Variants in PCDHGA7 observed in about 807,000 individuals in gnomAD.
The protein encoded by PCDHGA7 is protocadherin gamma subfamily A, 7, also known as protocadherin gamma-A7.
PCDHGA7 carries 44 observed loss-of-function variants against 58.3 expected under a neutral mutation model. That is an observed-to-expected ratio of 0.75 (90% CI 0.59 to 0.97). The LOEUF (loss-of-function observed/expected upper bound fraction) is 0.97, where lower values mean the gene tolerates loss of function less well. PCDHGA7 is among the 50% of genes least tolerant of loss of function. PCDHGA7 has a pLI of 0.00. For synonymous variants in PCDHGA7, 516 were observed against 504.2 expected (o/e 1.02, Z -0.31); for missense variants, 1,266 against 1,188.7 (o/e 1.06, Z -0.96).
Position 141,421,726 on chromosome 5 carries a change from T to G in PCDHGA7, c.2424+36403T>G. On this transcript the variant is annotated intron_variant, in intron 1 of 3. Transcript: ENST00000518325. The stretch of plus-strand genomic sequence containing the variant: ...TAGGGATCCAGATGTGGGCGTGAAC[T>G]CCCTCCAGAGCTACCAGCTCAGCCC... 1 of 1,613,928 alleles carries G rather than the reference T, an allele frequency of 6.2e-7. No homozygotes were observed. Among genetic ancestry groups the G allele is most frequent in the Non-Finnish European group, 8.5e-7 (1 of 1,179,852 alleles).
intron 1 of PCDHGA7, chr5:141,388,782 A>G (rs1589071559): frequency 6.2e-7 from 1 of 1,613,902 alleles, no homozygotes; most frequent in African/African-American, 1.3e-5. Flanking sequence ...CGGGGAAATT[A>G]CTGTTTTAAA....
chr5:141,509,719 C>G (rs2099877973), intron 3 of PCDHGA7, among the ~76,000 whole-genome samples: 1 of 152,152 alleles, frequency 6.6e-6, no homozygotes, highest in Non-Finnish European at 1.5e-5. Flanking sequence ...TGTCTGATGT[C>G]ACCTAGCTGT....
In PCDHGA7 at chr5:141,431,777, G is replaced by T. The variant is rs151011884; in HGVS notation, c.2424+46454G>T. 5,401 of 1,614,186 alleles carry T rather than the reference G, an allele frequency of 3.3e-3. 6 individuals are homozygous for T. Among genetic ancestry groups the T allele is most frequent in the Non-Finnish European group, 4.2e-3 (4,899 of 1,180,002 alleles). On this transcript the variant is annotated intron_variant, in intron 1 of 3. Coordinates refer to ENST00000518325, the MANE Select transcript of PCDHGA7 (RefSeq NM_018920.4). The surrounding 1 kb of genome is among the most constrained non-coding windows in gnomAD (Gnocchi z 4.8). ...CAAAGTCCTGATCACTGTTCTGGAC[G>T]TGAACGACAATGCCCCAGAAGTGGT...
At chr5:141,481,913 C>CAAA (rs34114744) in intron 1 of PCDHGA7, among the ~76,000 whole-genome samples, 3 of 90,796 alleles carry the variant, frequency 3.3e-5, no homozygotes, top group Non-Finnish European at 4.4e-5. Flanking sequence ...AACTCCATCT[C>CAAA]AAAAAAAAAA....
At chr5:141,403,266 A>G in intron 1 of PCDHGA7, 11 of 1,613,858 alleles carry the variant, frequency 6.8e-6, no homozygotes, top group Non-Finnish European at 9.3e-6. Context: ...TGTCTGGTGA[A>G]CTTTAAAGTC....
At chr5:141,408,819 G>A in intron 1 of PCDHGA7, 1 of 1,613,520 alleles carries the variant, frequency 6.2e-7, no homozygotes, top group Non-Finnish European at 8.5e-7. Context: ...GAAGAACAGA[G>A]ATCTCATAGC....
chr5:141,481,085 A>T (rs1200522212), intron 1 of PCDHGA7, among the ~76,000 whole-genome samples: 1 of 152,192 alleles, frequency 6.6e-6, no homozygotes, highest in African/African-American at 2.4e-5. Flanking sequence ...AAGAAAAAAG[A>T]AAAGCAGTAC....
chr5:141,421,418 G>C, intron 1 of PCDHGA7: 1 of 1,614,086 alleles, frequency 6.2e-7, no homozygotes, highest in Middle Eastern at 1.7e-4. Context: ...GCGAAGCGCG[G>C]AGTCCGCATC....
Position 141,383,737 on chromosome 5 carries a change from T to TC in PCDHGA7, c.839dup (p.Arg282SerfsTer6). On this transcript the variant is annotated frameshift_variant, in exon 1 of 4. Transcript: ENST00000518325. LOFTEE classifies it high-confidence loss of function. ...GGGAGTCAATGGGGAAGTGACATAT[T>TC]CTTTTCGGAAAATAACTCCTAAACT... is the stretch of plus-strand genomic sequence containing the variant. The TC allele has an allele frequency of 6.2e-7, 1 of 1,613,998 alleles. No individual in the cohort carries two copies. Among genetic ancestry groups the TC allele is most frequent in the Non-Finnish European group, 8.5e-7 (1 of 1,179,886 alleles).
At position 141,489,503 on chromosome 5, in the gene PCDHGA7, A is replaced by T; in HGVS notation, c.2425-5304A>T. 1 of 1,614,092 alleles carries T rather than the reference A, an allele frequency of 6.2e-7. No homozygotes were observed. ...ATGAGTGGTGCCCTGGCAGTGAATC[A>T]AAAGATTGACCGAGAAAGCCTATGT... is the stretch of plus-strand genomic sequence containing the variant. On this transcript the variant is annotated intron_variant, in intron 1 of 3. Transcript: ENST00000518325. The surrounding 1 kb of genome is among the most constrained non-coding windows in gnomAD (Gnocchi z 4.5).
chr5:141,383,486 T>C lies in PCDHGA7; in HGVS notation c.587T>C (p.Leu196Pro). The C allele has an allele frequency of 6.2e-7, 1 of 1,613,372 alleles. No individual in the cohort carries two copies. The highest frequency in any genetic ancestry group is 8.5e-7 in the Non-Finnish European group (1 of 1,179,586). ...DDETKYPELV[L>P]ERVLDREEER... ...GAAACTAAGTACCCGGAACTGGTGC[T>C]GGAGCGGGTGCTGGACCGGGAGGAA... Residue 196 changes from leucine to proline, a missense_variant, in exon 1 of 4, where the codon CTG becomes CCG. Physicochemically the swap from Leu to Pro is moderately conservative, Grantham distance 98 (BLOSUM62 -3). Coordinates refer to ENST00000518325, the MANE Select transcript of PCDHGA7 (RefSeq NM_018920.4).
At chr5:141,390,349 T>C in intron 1 of PCDHGA7, 1 of 1,568,926 alleles carries the variant, frequency 6.4e-7, no homozygotes, top group South Asian at 1.2e-5. Flanking sequence ...CAAGAAAATA[T>C]ACATATTTGC....
At chr5:141,433,607 G>A (rs1209706866) in intron 1 of PCDHGA7, among the ~76,000 whole-genome samples, 2 of 152,078 alleles carry the variant, frequency 1.3e-5, no homozygotes, top group East Asian at 1.9e-4. Context: ...AGGCCGAGGC[G>A]GGTGGATCAC....
At chr5:141,500,223 T>G (rs1034982746) in intron 2 of PCDHGA7, among the ~76,000 whole-genome samples, 16 of 145,318 alleles carry the variant, frequency 1.1e-4, no homozygotes, top group African/African-American at 3.4e-4. Context: ...TTTATTTATT[T>G]ATTGATACGT....
intron 1 of PCDHGA7, among the ~76,000 whole-genome samples, chr5:141,472,039 A>T (rs913132856): frequency 1.3e-5 from 2 of 152,200 alleles, no homozygotes; most frequent in Non-Finnish European, 2.9e-5. Context: ...AGCTGTGAAA[A>T]GATTTTAAAA....
chr5:141,395,605 A>G (rs1344642467), intron 1 of PCDHGA7: 3 of 198,976 alleles, frequency 1.5e-5, no homozygotes, highest in Non-Finnish European at 3.0e-5. Context: ...CCAAACTAGA[A>G]CTTCAGAAAA....
At chr5:141,390,373 ATT>A in intron 1 of PCDHGA7, 3 of 1,481,208 alleles carry the variant, frequency 2.0e-6, no homozygotes, top group Non-Finnish European at 2.8e-6. Flanking sequence ...AAAATATATA[ATT>A]TTTAGATGTC....
intron 1 of PCDHGA7, chr5:141,422,936 C>T: frequency 6.2e-7 from 1 of 1,614,260 alleles, no homozygotes; most frequent in Non-Finnish European, 8.5e-7. Flanking sequence ...GCCCTCCCCA[C>T]AGACGGCTCC....
At position 141,399,887 on chromosome 5, in the gene PCDHGA7, T is replaced by C. The variant is rs1189359878; in HGVS notation, c.2424+14564T>C. ...GAGCCCGGCTACCTGGTGACCAAGG[T>C]AGTGGCCGTGGACGCAGACTCAGGA... On this transcript the variant is annotated intron_variant, in intron 1 of 3. Coordinates refer to ENST00000518325, the MANE Select transcript of PCDHGA7 (RefSeq NM_018920.4). 3 of 1,612,524 alleles carry C rather than the reference T, an allele frequency of 1.9e-6. No homozygotes were observed. The African/African-American group carries it at 4.0e-5, about 22-fold the overall frequency.
Sources: allele counts gnomAD v4.1 joint callset (sites outside exome capture counted in the v4.1 genomes callset), GRCh38; gene constraint gnomAD v4.1.1; non-coding constraint Gnocchi (gnomAD v3.1); transcripts MANE v1.5; gene names NCBI Gene and HGNC (gene_info 2026-07-23, HGNC 2026-07-21).